Variants in RANBP17 observed in about 807,000 individuals in gnomAD.
RANBP17 encodes the protein ran-binding protein 17.
Under a neutral mutation model 141.2 loss-of-function variants are expected in RANBP17, and 158 were observed. The ratio of observed to expected loss-of-function variants is 1.12; its 90% CI spans 0.98 to 1.28. The LOEUF (loss-of-function observed/expected upper bound fraction) is 1.28, where lower values mean the gene tolerates loss of function less well. Among genes scored for constraint, RANBP17 ranks in the 50% most tolerant of loss-of-function variants. The pLI, the probability that RANBP17 is intolerant of heterozygous loss-of-function variation, is 0.00. For synonymous variants in RANBP17, 430 were observed against 450.0 expected, an observed-to-expected ratio of 0.96 and a Z score of 0.56; for missense variants, 1,438 against 1,290.7, an observed-to-expected ratio of 1.11 and a Z score of -1.75.
intron 23 of RANBP17, among the ~76,000 whole-genome samples, chr5:171,241,802 A>G (rs1264164407): frequency 6.6e-6 from 1 of 152,106 alleles, no homozygotes; most frequent in African/African-American, 2.4e-5. Context: ...TAATTCTCCA[A>G]CTTGAAGGTG....
At chr5:171,242,276 G>A (rs1169210453) in intron 23 of RANBP17, among the ~76,000 whole-genome samples, 2 of 152,066 alleles carry the variant, frequency 1.3e-5, no homozygotes, top group African/African-American at 2.4e-5. Context: ...AGATGGATTA[G>A]CATTATATTA....
intron 14 of RANBP17, among the ~76,000 whole-genome samples, chr5:171,110,594 C>A (rs1312743527): frequency 6.6e-6 from 1 of 152,094 alleles, no homozygotes; most frequent in African/African-American, 2.4e-5. Flanking sequence ...AGACAGATTA[C>A]CAAGGGAAAA....
chr5:171,187,380 T>G (rs982799742), intron 18 of RANBP17, among the ~76,000 whole-genome samples: 18 of 152,038 alleles, frequency 1.2e-4, no homozygotes, highest in African/African-American at 4.1e-4. Context: ...AGGTTCATGA[T>G]GTTGGCAGAA....
At chr5:171,147,242 A>G (rs1377874044) in intron 14 of RANBP17, among the ~76,000 whole-genome samples, 1 of 151,752 alleles carries the variant, frequency 6.6e-6, no homozygotes, top group Non-Finnish European at 1.5e-5. Flanking sequence ...TGGCATATAC[A>G]TTTTTATAAA....
intron 14 of RANBP17, among the ~76,000 whole-genome samples, chr5:171,137,708 C>A (rs564033554): frequency 6.6e-6 from 1 of 151,444 alleles, no homozygotes; most frequent in South Asian, 2.1e-4. Context: ...AATTTGCCAC[C>A]AATTTATGGT....
At chr5:171,088,653 T>G (rs1785911090) in intron 14 of RANBP17, among the ~76,000 whole-genome samples, 1 of 152,192 alleles carries the variant, frequency 6.6e-6, no homozygotes, top group African/African-American at 2.4e-5. Context: ...TTGGAGGCTT[T>G]GCTCCTTTCT....
In RANBP17 at chr5:171,295,936, A is replaced by G; in HGVS notation, c.3092A>G (p.Lys1031Arg). 1 of 1,613,890 alleles carries G rather than the reference A, an allele frequency of 6.2e-7. No individual in the cohort carries two copies. Among genetic ancestry groups the G allele is most frequent in the Non-Finnish European group, 8.5e-7 (1 of 1,179,830 alleles). ...TTGATAAACAGCCAGCCCCTCCCCAAGCAGGAGGTCCTTGCCCAGTGCTTC... is the reference window on the plus strand; with the variant it reads ...TTGATAAACAGCCAGCCCCTCCCCAGGCAGGAGGTCCTTGCCCAGTGCTTC... ...ASLINSQPLP[K>R]QEVLAQCFRN... Residue 1031 changes from lysine (K) to arginine (R), a missense_variant, in exon 27 of 28, where the codon AAG becomes AGG. Coordinates refer to ENST00000523189, the MANE Select transcript of RANBP17 (RefSeq NM_022897.5).
chr5:171,253,531 T>C (rs569532901), intron 24 of RANBP17, among the ~76,000 whole-genome samples: 2 of 152,274 alleles, frequency 1.3e-5, no homozygotes, highest in Admixed American at 6.5e-5. Context: ...AAGACAAAGA[T>C]GTTTTGGTTC....
chr5:171,296,337 A>G (rs1251385577), intron 27 of RANBP17, among the ~76,000 whole-genome samples: 1 of 152,246 alleles, frequency 6.6e-6, no homozygotes. Context: ...TCCACTATGG[A>G]AAATGAAGAA....
At chr5:170,955,654 A>ATATATATATATATATGCTCAGTG (rs1561928107) in intron 13 of RANBP17, among the ~76,000 whole-genome samples, 3 of 37,404 alleles carry the variant, frequency 8.0e-5, no homozygotes, top group African/African-American at 1.8e-4. Context: ...CAGTGTATAT[A>ATATATATATATATATGCTCAGTG]TATATATATA....
intron 13 of RANBP17, among the ~76,000 whole-genome samples, chr5:170,962,573 A>G (rs991339461): frequency 3.3e-5 from 5 of 152,228 alleles, no homozygotes; most frequent in African/African-American, 1.2e-4. Flanking sequence ...TTTGATGTAT[A>G]TATCTATTTA....
chr5:171,103,413 G>A (rs1275454247), intron 14 of RANBP17, among the ~76,000 whole-genome samples: 1 of 152,132 alleles, frequency 6.6e-6, no homozygotes, highest in African/African-American at 2.4e-5. Flanking sequence ...GGGGAAAACT[G>A]CCTACTCAAG....
intron 1 of RANBP17, among the ~76,000 whole-genome samples, chr5:170,868,747 A>AT (rs1305354998): frequency 1.3e-5 from 2 of 152,232 alleles, no homozygotes; most frequent in Non-Finnish European, 2.9e-5. Flanking sequence ...TTCTGAGACC[A>AT]TTCTCATATT....
intron 14 of RANBP17, among the ~76,000 whole-genome samples, chr5:171,133,192 G>A (rs1757047465): frequency 6.6e-6 from 1 of 152,016 alleles, no homozygotes; most frequent in Admixed American, 6.6e-5. Flanking sequence ...CTGAATGTTT[G>A]TCTTTTAATA....
chr5:171,137,950 G>GATATATAT lies in RANBP17; in HGVS notation c.1711-32166_1711-32159dup, dbSNP rs67832819. 2.4e-3 allele frequency among the ~76,000 whole-genome samples: 353 copies of GATATATAT among 144,822 alleles called. 3 individuals are homozygous for GATATATAT. The East Asian group carries it at 0.032, about 13-fold the overall frequency. On this transcript the variant is annotated intron_variant, in intron 14 of 27. Coordinates refer to ENST00000523189, the MANE Select transcript of RANBP17 (RefSeq NM_022897.5). Reference sequence around the variant, plus strand: ...TATCTATAAGTAGTGTGATATATGAGATATATATATATATATATATACACA... The same window carrying GATATATAT: ...TATCTATAAGTAGTGTGATATATGAGATATATATATATATATATATATATATATACACA...
intron 24 of RANBP17, chr5:171,252,395 A>G: frequency 1.3e-6 from 2 of 1,533,068 alleles, no homozygotes; most frequent in Admixed American, 1.7e-5. Flanking sequence ...ATGAGCAGCA[A>G]AGATGAAGAT....
At chr5:170,862,828 G>A (rs1766925696) in intron 1 of RANBP17, among the ~76,000 whole-genome samples, 1 of 152,198 alleles carries the variant, frequency 6.6e-6, no homozygotes, top group African/African-American at 2.4e-5. Context: ...GATAAAGGAT[G>A]ACATCTTACT....
rs576278419 is a variant in RANBP17, at chr5:171,063,491, G to A, written c.1710+95114G>A. Among the ~76,000 whole-genome samples, 696 of 152,318 alleles carry A rather than the reference G, an allele frequency of 4.6e-3. 5 individuals carry two copies. Among genetic ancestry groups the A allele is most frequent in the African/African-American group, 0.016 (666 of 41,594 alleles). ...AGAACAGCAGATTTTCGTGAACCGC[G>A]AATGCTGCTGTCTGATCGTTCCTCT... is the stretch of plus-strand genomic sequence containing the variant. On this transcript the variant is annotated intron_variant, in intron 14 of 27. Transcript: ENST00000523189.
At chr5:171,275,497 T>C (rs1008824431) in intron 25 of RANBP17, among the ~76,000 whole-genome samples, 3 of 152,206 alleles carry the variant, frequency 2.0e-5, no homozygotes, top group Non-Finnish European at 4.4e-5. Flanking sequence ...AGGAATTCCA[T>C]GTTTACATTT....
Sources: allele counts gnomAD v4.1 joint callset (sites outside exome capture counted in the v4.1 genomes callset), GRCh38; gene constraint gnomAD v4.1.1; transcripts MANE v1.5; gene names NCBI Gene and HGNC (gene_info 2026-07-23, HGNC 2026-07-21).